Variants in TMEM26 observed in about 807,000 individuals in gnomAD.
TMEM26 encodes the protein transmembrane protein 26.
In TMEM26, 38 loss-of-function variants were observed where a neutral mutation model predicts 28.8. The observed-to-expected ratio is 1.32, with a 90% CI of 1.02 to 1.73. The LOEUF (loss-of-function observed/expected upper bound fraction) is 1.73, where lower values mean the gene tolerates loss of function less well. Ranked by LOEUF, TMEM26 falls within the 40% of genes most tolerant of loss-of-function variation. TMEM26 has a pLI of 0.00. For synonymous variants in TMEM26, 227 were observed against 182.9 expected, an observed-to-expected ratio of 1.24 and a Z score of -1.95; for missense variants, 518 against 447.1, an observed-to-expected ratio of 1.16 and a Z score of -1.43.
intron 4 of TMEM26, among the ~76,000 whole-genome samples, chr10:61,418,962 G>T (rs1433968197): frequency 6.6e-6 from 1 of 152,108 alleles, no homozygotes; most frequent in Non-Finnish European, 1.5e-5. Context: ...AAGAGCAGAA[G>T]TCATAAGGGC....
At chr10:61,414,419 G>A (rs1839617495) in intron 4 of TMEM26, 1 of 152,022 alleles carries the variant, frequency 6.6e-6, no homozygotes, top group African/African-American at 2.4e-5. Context: ...AAGCATCAAG[G>A]AGGAGTAATT....
chr10:61,428,011 G>A (rs185719060), intron 4 of TMEM26, among the ~76,000 whole-genome samples: 1 of 152,172 alleles, frequency 6.6e-6, no homozygotes, highest in Admixed American at 6.5e-5. Flanking sequence ...GATGAAACAG[G>A]AAATTATCTT....
At chr10:61,413,123 T>G (rs1428861541) in intron 5 of TMEM26, 2 of 481,168 alleles carry the variant, frequency 4.2e-6, no homozygotes, top group Non-Finnish European at 6.6e-6. Context: ...GTGACTATGA[T>G]TATCATCCCT....
intron 1 of TMEM26, among the ~76,000 whole-genome samples, chr10:61,452,368 G>A (rs1324718084): frequency 6.6e-6 from 1 of 152,224 alleles, no homozygotes; most frequent in African/African-American, 2.4e-5. Flanking sequence ...GCGGCTGGAG[G>A]GAAGGGAAGC....
chr10:61,411,538 CTT>C (rs1839569539), intron 5 of TMEM26, among the ~76,000 whole-genome samples: 1 of 152,200 alleles, frequency 6.6e-6, no homozygotes, highest in African/African-American at 2.4e-5. Context: ...CAAATTCAAA[CTT>C]AATTCATATT....
At position 61,409,971 on chromosome 10, in the gene TMEM26, TC is replaced by T. The variant is rs948361730; in HGVS notation, c.*350del. 1.3e-5 allele frequency: 3 copies of T among 229,034 alleles called. No homozygotes were observed. The highest frequency in any genetic ancestry group is 2.6e-5 in the Non-Finnish European group (3 of 116,870). 14.2% of individuals were successfully genotyped at this position (229,034 alleles called of 1,614,324 possible). On this transcript the variant is annotated 3_prime_UTR_variant, in exon 6 of 6. Coordinates refer to ENST00000399298, the MANE Select transcript of TMEM26 (RefSeq NM_178505.8). ...GACAATGGAGGCAAAGTTCAAAGCT[TC>T]TCTATTTCCAGGTAACAGCCGCGAC...
At position 61,434,305 on chromosome 10, in the gene TMEM26, G is replaced by A. The variant is rs148194734; in HGVS notation, c.270+1865C>T. Among the ~76,000 whole-genome samples the A allele has an allele frequency of 2.3e-3, 343 of 152,226 alleles. 5 individuals carry two copies. Among genetic ancestry groups the A allele is most frequent in the East Asian group, 1.3e-3 (7 of 5,190 alleles). ...TTTGAAAATTAGAGAGCTACTGCTC[G>A]GGGCTCAAAAATCTTTTTTTATTAA... On this transcript the variant is annotated intron_variant, in intron 2 of 5. Coordinates refer to ENST00000399298, the MANE Select transcript of TMEM26 (RefSeq NM_178505.8).
intron 4 of TMEM26, among the ~76,000 whole-genome samples, chr10:61,428,048 T>C (rs1389552026): frequency 6.6e-6 from 1 of 152,150 alleles, no homozygotes; most frequent in East Asian, 1.9e-4. Flanking sequence ...TTTATAAATA[T>C]AATTTGTGCT....
At chr10:61,438,360 C>T (rs986246147) in intron 1 of TMEM26, among the ~76,000 whole-genome samples, 1 of 152,092 alleles carries the variant, frequency 6.6e-6, no homozygotes, top group African/African-American at 2.4e-5. Context: ...TAATATTTCC[C>T]TTGTGAAACT....
chr10:61,418,316 C>T (rs1325517295), intron 4 of TMEM26, among the ~76,000 whole-genome samples: 5 of 151,960 alleles, frequency 3.3e-5, no homozygotes, highest in Non-Finnish European at 5.9e-5. Flanking sequence ...CCTACCCTCT[C>T]ACAGAGGCTG....
intron 1 of TMEM26, among the ~76,000 whole-genome samples, chr10:61,440,164 C>A (rs531576106): frequency 1.3e-5 from 2 of 151,912 alleles, no homozygotes; most frequent in Admixed American, 1.3e-4. Context: ...TGCTTGAACC[C>A]GGGAGGTGGA....
chr10:61,452,313 C>G (rs1840298931), intron 1 of TMEM26, among the ~76,000 whole-genome samples: 1 of 152,382 alleles, frequency 6.6e-6, no homozygotes, highest in African/African-American at 2.4e-5. Context: ...GCCAGCAAAC[C>G]CAGACACCTG....
intron 1 of TMEM26, among the ~76,000 whole-genome samples, chr10:61,438,213 G>T (rs566885252): frequency 1.3e-5 from 2 of 152,170 alleles, no homozygotes; most frequent in South Asian, 4.1e-4. Context: ...AAGGTTATGG[G>T]TCATGATATT....
chr10:61,450,341 T>C (rs1326086517), intron 1 of TMEM26, among the ~76,000 whole-genome samples: 2 of 152,186 alleles, frequency 1.3e-5, no homozygotes, highest in Non-Finnish European at 2.9e-5. Context: ...AATTACACCT[T>C]GCTTTACTCA....
intron 1 of TMEM26, among the ~76,000 whole-genome samples, chr10:61,443,489 G>A (rs938485399): frequency 1.3e-5 from 2 of 150,892 alleles, no homozygotes; most frequent in Middle Eastern, 3.4e-3. Flanking sequence ...TGCCAAGATC[G>A]GTGGATAGGT....
At chr10:61,421,585 A>C (rs977785814) in intron 4 of TMEM26, among the ~76,000 whole-genome samples, 1 of 152,136 alleles carries the variant, frequency 6.6e-6, no homozygotes, top group Non-Finnish European at 1.5e-5. Flanking sequence ...ACACAGACAG[A>C]CACACTGGGG....
chr10:61,451,082 T>C (rs1488066789), intron 1 of TMEM26, among the ~76,000 whole-genome samples: 2 of 152,186 alleles, frequency 1.3e-5, no homozygotes, highest in African/African-American at 4.8e-5. Context: ...TTTACCCCAT[T>C]ATCTGTCTGA....
chr10:61,426,325 C>T (rs776758829), intron 4 of TMEM26, among the ~76,000 whole-genome samples: 1 of 152,024 alleles, frequency 6.6e-6, no homozygotes, highest in Admixed American at 6.6e-5. Context: ...TGGGAATGTT[C>T]TAAACCTGGA....
chr10:61,453,120 C>T lies in TMEM26; in HGVS notation c.-39G>A. 6.3e-7 allele frequency: 1 copy of T among 1,589,578 alleles called. No individual in the cohort carries two copies. The highest frequency in any genetic ancestry group is 2.3e-5 in the East Asian group (1 of 44,442). Reference sequence around the variant, plus strand: ...CTCTGCCTACGTCCCCTTGCCTGCGCCCCCAGGACCCTGCCGGGCGTGCCC... The same window carrying T: ...CTCTGCCTACGTCCCCTTGCCTGCGTCCCCAGGACCCTGCCGGGCGTGCCC... On this transcript the variant is annotated 5_prime_UTR_variant, in exon 1 of 6. Coordinates refer to ENST00000399298, the MANE Select transcript of TMEM26 (RefSeq NM_178505.8).
Sources: gnomAD v4.1 joint callset for allele counts (sites outside exome capture counted in the v4.1 genomes callset) on GRCh38, gnomAD v4.1.1 for gene constraint, MANE v1.5 for transcripts, NCBI Gene and HGNC (gene_info 2026-07-23, HGNC 2026-07-21) for gene names.